The following BMAL2 variants were observed in gnomAD, a reference collection of about 807,000 sequenced individuals.
BMAL2 encodes basic helix-loop-helix ARNT-like protein 2.
the BMAL2 span, among the ~76,000 whole-genome samples, chr12:27,399,721 A>T: frequency 1.3e-5 from 2 of 152,236 alleles, no homozygotes; most frequent in Non-Finnish European, 2.9e-5. Context: ...AAATCTTATC[A>T]TAAAAACAGC....
chr12:27,353,608 G>A, the BMAL2 span, among the ~76,000 whole-genome samples: 1 of 151,992 alleles, frequency 6.6e-6, no homozygotes, highest in Non-Finnish European at 1.5e-5. Context: ...TTTCTACACA[G>A]CAAAAGGAAG....
the BMAL2 span, among the ~76,000 whole-genome samples, chr12:27,355,079 AT>A: frequency 6.6e-6 from 1 of 152,140 alleles, no homozygotes; most frequent in Non-Finnish European, 1.5e-5. Flanking sequence ...CTCACTTTTT[AT>A]TTGAGCCTCA....
chr12:27,383,281 G>A, the BMAL2 span, among the ~76,000 whole-genome samples: 24 of 152,328 alleles, frequency 1.6e-4, no homozygotes, highest in South Asian at 3.3e-3. Flanking sequence ...TGCATGTAGA[G>A]TACAGCACAG....
At chr12:27,381,093 A>G in the BMAL2 span, among the ~76,000 whole-genome samples, 16 of 152,192 alleles carry the variant, frequency 1.1e-4, no homozygotes, top group Admixed American at 5.9e-4. Context: ...CTTCATTCAG[A>G]TTTACGAGTA....
At chr12:27,333,012 G>A in the BMAL2 span, 69 of 1,159,212 alleles carry the variant, frequency 6.0e-5, 1 homozygote, top group Admixed American at 2.8e-3. Flanking sequence ...GGCAGGGCGG[G>A]CCCGGGGCTC....
chr12:27,416,940 G>A, the BMAL2 span, among the ~76,000 whole-genome samples: 3 of 152,164 alleles, frequency 2.0e-5, no homozygotes, highest in South Asian at 4.1e-4. Flanking sequence ...TAGCCTGAGC[G>A]GCAGACTGCA....
chr12:27,358,638 C>T, the BMAL2 span, among the ~76,000 whole-genome samples: 1 of 152,088 alleles, frequency 6.6e-6, no homozygotes, highest in African/African-American at 2.4e-5. Flanking sequence ...ACTCCCTTCC[C>T]CCAAACAGAA....
the BMAL2 span, among the ~76,000 whole-genome samples, chr12:27,350,210 A>T: frequency 2.0e-5 from 3 of 152,252 alleles, no homozygotes. Context: ...TAAAGCATTA[A>T]ACACAGCACT....
At chr12:27,378,401 C>A in the BMAL2 span, among the ~76,000 whole-genome samples, 2 of 152,178 alleles carry the variant, frequency 1.3e-5, no homozygotes, top group Non-Finnish European at 2.9e-5. Flanking sequence ...AGAAGAATAA[C>A]TGAGTTGGAT....
the BMAL2 span, chr12:27,389,877 T>A: frequency 2.6e-6 from 1 of 389,742 alleles, no homozygotes; most frequent in Non-Finnish European, 4.5e-6. Context: ...AAAAGAAAGA[T>A]AAATTGCAAA....
the BMAL2 span, among the ~76,000 whole-genome samples, chr12:27,409,860 A>C: frequency 3.3e-5 from 5 of 152,232 alleles, no homozygotes; most frequent in Admixed American, 2.6e-4. Context: ...CAAAGGGCTA[A>C]TATCCAGAAT....
At chr12:27,379,435 G>A in the BMAL2 span, among the ~76,000 whole-genome samples, 17 of 152,230 alleles carry the variant, frequency 1.1e-4, no homozygotes, top group East Asian at 1.9e-4. Context: ...AGGAGAGAGC[G>A]GTGCTAAGCA....
the BMAL2 span, among the ~76,000 whole-genome samples, chr12:27,337,788 C>G: frequency 6.6e-6 from 1 of 152,166 alleles, no homozygotes; most frequent in Non-Finnish European, 1.5e-5. Context: ...GTAAAAATAC[C>G]TAACTTGGAA....
chr12:27,423,012 T>C, the BMAL2 span: 4 of 152,256 alleles, frequency 2.6e-5, no homozygotes, highest in African/African-American at 7.2e-5. Flanking sequence ...AGTTGAATAC[T>C]CTGTGCATGG....
chr12:27,344,185 C>A, the BMAL2 span, among the ~76,000 whole-genome samples: 1 of 152,138 alleles, frequency 6.6e-6, no homozygotes, highest in Non-Finnish European at 1.5e-5. Flanking sequence ...TGAACCCAGG[C>A]AGAGTGGCCT....
the BMAL2 span, among the ~76,000 whole-genome samples, chr12:27,346,252 T>G: frequency 1.3e-5 from 2 of 152,266 alleles, no homozygotes; most frequent in East Asian, 3.9e-4. Flanking sequence ...ATTAAACCTT[T>G]GTTTTGTTTG....
the BMAL2 span, among the ~76,000 whole-genome samples, chr12:27,362,244 G>T: frequency 6.6e-6 from 1 of 152,098 alleles, no homozygotes; most frequent in Non-Finnish European, 1.5e-5. Context: ...ATGGTAATCT[G>T]TCATTCAAAA....
chr12:27,386,282 G>A, the BMAL2 span, among the ~76,000 whole-genome samples: 3 of 152,120 alleles, frequency 2.0e-5, no homozygotes, highest in East Asian at 5.8e-4. Context: ...TGCTTTCGAA[G>A]CTTTCTCACC....
At chr12:27,420,019 G>GCA in the BMAL2 span, among the ~76,000 whole-genome samples, 24,463 of 147,376 alleles carry the variant, frequency 0.17, 2,300 homozygotes, top group East Asian at 0.42. Context: ...GTTTGCGCGT[G>GCA]CACACACACA....
Sources: allele counts gnomAD v4.1 joint callset (sites outside exome capture counted in the v4.1 genomes callset), GRCh38; gene constraint gnomAD v4.1.1; transcripts MANE v1.5; gene names NCBI Gene and HGNC (gene_info 2026-07-23, HGNC 2026-07-21).